The following STOML3 variants were observed in gnomAD, a reference collection of about 807,000 sequenced individuals.
STOML3 encodes stomatin-like protein 3.
A neutral mutation model predicts 29.5 loss-of-function variants in STOML3; 31 were observed. The observed-to-expected ratio is 1.05, with a 90% CI of 0.79 to 1.42. The LOEUF is 1.42. STOML3 is among the 40% of genes most tolerant of loss of function. The pLI is 0.00. For missense variants in STOML3, 380 were observed against 363.0 expected (o/e 1.05, Z -0.38); for synonymous variants, 122 against 139.8 (o/e 0.87, Z 0.90).
In STOML3 at chr13:38,970,372, G is replaced by A; in HGVS notation, c.329C>T (p.Ser110Phe). The change falls in exon 5 of 7, where the codon TCC (serine) becomes TTC (phenylalanine). Residue 110 changes from serine (S) to phenylalanine (F), a missense_variant. Transcript: ENST00000379631. ...AACTCCATCTACCTGAGTAGTTACGGAGTCTCTGGTGAGGATCTGTGGAGT... is the reference window on the plus strand; with the variant it reads ...AACTCCATCTACCTGAGTAGTTACGAAGTCTCTGGTGAGGATCTGTGGAGT... ...IPPQEILTRD[S>F]VTTQVDGVVY... 1 of 1,614,108 alleles carries A rather than the reference G, an allele frequency of 6.2e-7. No homozygotes were observed. The highest frequency in any genetic ancestry group is 8.5e-7 in the Non-Finnish European group (1 of 1,179,994).
At position 38,968,394 on chromosome 13, in the gene STOML3, A is replaced by T. The variant is rs7323023; in HGVS notation, c.651+6T>A. ...TCCCTCCATGTGTGAACTGCACAAC[A>T]CTTACCTTGGCTCTCGCTTCCCGGG... On this transcript the variant is annotated splice_donor_region_variant and intron_variant, in intron 6 of 6. Transcript: ENST00000379631. 6 of 1,613,738 alleles carry T rather than the reference A, an allele frequency of 3.7e-6. No individual in the cohort carries two copies. Among genetic ancestry groups the T allele is most frequent in the Non-Finnish European group, 4.2e-6 (5 of 1,179,956 alleles).
intron 1 of STOML3, among the ~76,000 whole-genome samples, chr13:38,987,755 G>C (rs1344057843): frequency 8.9e-6 from 1 of 112,058 alleles, no homozygotes; most frequent in Non-Finnish European, 1.7e-5. Flanking sequence ...TATATAGTAT[G>C]TATATTATAT....
At chr13:38,979,671 A>G (rs752201865) in intron 1 of STOML3, among the ~76,000 whole-genome samples, 10 of 152,136 alleles carry the variant, frequency 6.6e-5, no homozygotes, top group Non-Finnish European at 2.9e-5. Flanking sequence ...GTCTCAGTTT[A>G]CTTACCATTC....
At chr13:38,979,093 C>G (rs1162997019) in intron 1 of STOML3, among the ~76,000 whole-genome samples, 1 of 152,102 alleles carries the variant, frequency 6.6e-6, no homozygotes, top group Non-Finnish European at 1.5e-5. Context: ...GTATTAAAAC[C>G]TTTTGAGTAC....
At chr13:38,970,487 C>A in intron 4 of STOML3, 99 bp from the exon 5 acceptor site, 1 of 969,958 alleles carries the variant, frequency 1.0e-6, no homozygotes, top group Non-Finnish European at 1.6e-6. Context: ...AGAAGGAGAG[C>A]AGTAACGACA....
intron 6 of STOML3, 24 bp from the exon 7 acceptor site, chr13:38,967,073 T>C (rs1481702915): frequency 6.2e-7 from 1 of 1,603,662 alleles, no homozygotes; most frequent in Non-Finnish European, 8.5e-7. Flanking sequence ...AATAAAATCG[T>C]TCAGAAATAA....
chr13:38,975,490 A>T (rs1170969659), intron 3 of STOML3, among the ~76,000 whole-genome samples: 2 of 152,210 alleles, frequency 1.3e-5, no homozygotes, highest in Admixed American at 6.5e-5. Context: ...TCCTACCCCG[A>T]GACCTTCCAG....
rs1340823552 is a variant in STOML3, at chr13:38,988,244, A to G, written c.52+2426T>C. On this transcript the variant is annotated intron_variant, in intron 1 of 6. Transcript: ENST00000379631. Reference sequence around the variant, plus strand: ...ATTTTATATCATATATTTTATATATAATATATTATATTTTATATCATATAT... The same window carrying G: ...ATTTTATATCATATATTTTATATATGATATATTATATTTTATATCATATAT... Among the ~76,000 whole-genome samples, 4 of 87,348 alleles carry G rather than the reference A, an allele frequency of 4.6e-5. No homozygotes were observed. The East Asian group carries it at 1.1e-3, about 24-fold the overall frequency. The allele number at this position is 87,348 out of a possible 152,430, so 57.3% of individuals were successfully genotyped here. A position where few individuals can be genotyped will look rare whatever the true frequency, so the allele number is the denominator to read the frequency against.
chr13:38,986,045 T>G (rs1413673637), intron 1 of STOML3, among the ~76,000 whole-genome samples: 1 of 148,232 alleles, frequency 6.7e-6, no homozygotes, highest in Non-Finnish European at 1.5e-5. Context: ...GTTTTTTTTT[T>G]TTTTTTTTTT....
intron 3 of STOML3, among the ~76,000 whole-genome samples, chr13:38,972,842 T>C (rs1324258252): frequency 6.6e-6 from 1 of 152,206 alleles, no homozygotes; most frequent in Non-Finnish European, 1.5e-5. Flanking sequence ...TTTTGGTTTT[T>C]ATTTTTAAAA....
intron 1 of STOML3, among the ~76,000 whole-genome samples, chr13:38,984,027 C>CA (rs1868403805): frequency 6.6e-6 from 1 of 151,968 alleles, no homozygotes. Flanking sequence ...CATCCCCCCC[C>CA]ACAGCAGCTT....
intron 3 of STOML3, among the ~76,000 whole-genome samples, chr13:38,975,179 C>T (rs1881025504): frequency 6.6e-6 from 1 of 151,688 alleles, no homozygotes; most frequent in African/African-American, 2.4e-5. Flanking sequence ...AAATTAGCCG[C>T]TTATGATAGT....
chr13:38,968,538 T>C lies in STOML3; in HGVS notation c.517-4A>G. The C allele has an allele frequency of 6.2e-7, 1 of 1,614,032 alleles. No homozygotes were observed. The highest frequency in any genetic ancestry group is 8.5e-7 in the Non-Finnish European group (1 of 1,179,902). ...CGGTGGCATCATCAAGTAAAGTCTG[T>C]TTCCAAATTAAAAGGGAAGACTAAT... On this transcript the variant is annotated splice_polypyrimidine_tract_variant and splice_region_variant and intron_variant, in intron 5 of 6. Transcript: ENST00000379631.
chr13:38,990,505 T>G (rs1398184227), intron 1 of STOML3, among the ~76,000 whole-genome samples, 165 bp downstream of exon 1: 1 of 152,100 alleles, frequency 6.6e-6, no homozygotes, highest in Non-Finnish European at 1.5e-5. Context: ...AAGAAGCAAA[T>G]GAAATCAGCA....
chr13:38,973,446 T>G (rs1203787946), intron 3 of STOML3, among the ~76,000 whole-genome samples: 1 of 152,202 alleles, frequency 6.6e-6, no homozygotes, highest in Non-Finnish European at 1.5e-5. Flanking sequence ...AAGATCAAGA[T>G]GCTCATAGAT....
chr13:38,976,811 A>T lies in STOML3; in HGVS notation c.53-14T>A. On this transcript the variant is annotated splice_polypyrimidine_tract_variant and intron_variant, in intron 1 of 6. Coordinates refer to ENST00000379631, the MANE Select transcript of STOML3 (RefSeq NM_145286.3). ...TATTGTTGACACCTAGGAAATGAGA[A>T]GGAAGCAAATATGTGATCAATGTGG... is the stretch of plus-strand genomic sequence containing the variant. The T allele has an allele frequency of 1.2e-6, 2 of 1,607,402 alleles. No individual in the cohort carries two copies. The highest frequency in any genetic ancestry group is 1.7e-6 in the Non-Finnish European group (2 of 1,175,252).
At position 38,976,798 on chromosome 13, in the gene STOML3, C is replaced by T; in HGVS notation, c.53-1G>A. 1 of 1,612,186 alleles carries T rather than the reference C, an allele frequency of 6.2e-7. No homozygotes were observed. The highest frequency in any genetic ancestry group is 8.5e-7 in the Non-Finnish European group (1 of 1,178,904). On this transcript the variant is annotated splice_acceptor_variant, in intron 1 of 6. Coordinates refer to ENST00000379631, the MANE Select transcript of STOML3 (RefSeq NM_145286.3). LOFTEE classifies it high-confidence loss of function. ...ACACCAAGCCGTTTATTGTTGACAC[C>T]TAGGAAATGAGAAGGAAGCAAATAT...
intron 1 of STOML3, among the ~76,000 whole-genome samples, chr13:38,988,367 T>A (rs1419234841): frequency 9.8e-5 from 5 of 50,940 alleles, no homozygotes; most frequent in South Asian, 1.5e-3. Flanking sequence ...ATATTTTATA[T>A]AATATATTAT....
intron 3 of STOML3, among the ~76,000 whole-genome samples, chr13:38,973,049 A>G (rs1318772311): frequency 7.2e-6 from 1 of 138,672 alleles, no homozygotes. Context: ...ACCTGAGGTC[A>G]GGAGTTCAAG....
Sources: allele counts gnomAD v4.1 joint callset (sites outside exome capture counted in the v4.1 genomes callset), GRCh38; gene constraint gnomAD v4.1.1; transcripts MANE v1.5; gene names NCBI Gene and HGNC (gene_info 2026-07-23, HGNC 2026-07-21).